Variants in PPP1R12A observed in about 807,000 individuals in gnomAD.
The protein encoded by PPP1R12A is protein phosphatase 1 regulatory subunit 12A.
PPP1R12A carries 19 observed loss-of-function variants against 139.6 expected under a neutral mutation model. The observed-to-expected ratio is 0.14, with a 90% CI of 0.09 to 0.20. The LOEUF is 0.20. Among genes scored for constraint, PPP1R12A ranks in the 10% least tolerant of loss-of-function variants. The probability of loss-of-function intolerance (pLI) is 1.00; values close to 1 mark genes in which losing one functional copy is unlikely to be tolerated. For synonymous variants in PPP1R12A, 427 were observed against 420.6 expected, an observed-to-expected ratio of 1.02 and a Z score of -0.19; for missense variants, 925 against 1,211.5, an observed-to-expected ratio of 0.76 and a Z score of 3.51.
At position 79,817,560 on chromosome 12, in the gene PPP1R12A, T is replaced by G. The variant is rs751056792; in HGVS notation, c.1115-42A>C. ...ATTAAGAGTCAAGATTCCATATATA[T>G]TTGGTCTCAATGGCTGGGAAAAAAT... On this transcript the variant is annotated intron_variant, in intron 8 of 24. Transcript: ENST00000450142. 5 of 1,522,934 alleles carry G rather than the reference T, an allele frequency of 3.3e-6. No individual in the cohort carries two copies. In the East Asian group the frequency reaches 1.2e-4, roughly 37 times the overall value. 94.3% of individuals were successfully genotyped at this position (1,522,934 alleles called of 1,614,324 possible).
At chr12:79,919,261 C>T (rs913691123) in intron 1 of PPP1R12A, among the ~76,000 whole-genome samples, 3 of 151,442 alleles carry the variant, frequency 2.0e-5, no homozygotes, top group African/African-American at 7.3e-5. Flanking sequence ...CAACTTTATC[C>T]AGAAAGTCTT....
chr12:79,881,470 G>A (rs906831066), intron 1 of PPP1R12A, among the ~76,000 whole-genome samples: 1 of 152,202 alleles, frequency 6.6e-6, no homozygotes, highest in Non-Finnish European at 1.5e-5. Flanking sequence ...AGAGAGTAAG[G>A]CCCCAGCTCT....
chr12:79,902,026 G>C (rs898824066), intron 1 of PPP1R12A, among the ~76,000 whole-genome samples: 1 of 152,176 alleles, frequency 6.6e-6, no homozygotes, highest in Non-Finnish European at 1.5e-5. Flanking sequence ...CTGAAGGGAA[G>C]TGTAGCTAGA....
At chr12:79,912,462 C>T (rs949439142) in intron 1 of PPP1R12A, among the ~76,000 whole-genome samples, 16 of 152,010 alleles carry the variant, frequency 1.1e-4, no homozygotes, top group South Asian at 8.3e-4. Context: ...AAGGCCAAGG[C>T]GGGAGGATCG....
At chr12:79,872,759 G>A (rs1488071551) in intron 2 of PPP1R12A, 49 bp downstream of exon 2, 1 of 1,569,072 alleles carries the variant, frequency 6.4e-7, no homozygotes, top group African/African-American at 1.4e-5. Flanking sequence ...TAAACATTCA[G>A]GTCTGTCAAA....
intron 2 of PPP1R12A, among the ~76,000 whole-genome samples, chr12:79,861,115 T>C (rs1469581040): frequency 6.6e-6 from 1 of 152,056 alleles, no homozygotes; most frequent in Admixed American, 6.5e-5. Context: ...CTTGGAGAAA[T>C]GAGGACTCCA....
intron 2 of PPP1R12A, among the ~76,000 whole-genome samples, chr12:79,847,874 T>C (rs1879587583): frequency 6.6e-6 from 1 of 152,152 alleles, no homozygotes; most frequent in African/African-American, 2.4e-5. Flanking sequence ...AGGAAGTATA[T>C]ACAGCCAGAT....
chr12:79,781,156 G>A (rs1000309430), intron 23 of PPP1R12A, among the ~76,000 whole-genome samples: 3 of 151,934 alleles, frequency 2.0e-5, no homozygotes, highest in Non-Finnish European at 4.4e-5. Flanking sequence ...CAACTGATGA[G>A]GCTAAACTTG....
At chr12:79,791,138 T>G (rs754419583) in intron 19 of PPP1R12A, among the ~76,000 whole-genome samples, 38 of 152,206 alleles carry the variant, frequency 2.5e-4, no homozygotes, top group Non-Finnish European at 4.9e-4. Flanking sequence ...AGAATAAATT[T>G]CAATTTTCAA....
At chr12:79,794,741 GA>G (rs1490229173) in intron 18 of PPP1R12A, among the ~76,000 whole-genome samples, 3 of 139,248 alleles carry the variant, frequency 2.2e-5, no homozygotes, top group African/African-American at 7.3e-5. Flanking sequence ...GAAGACAGAT[GA>G]TTCCATGTTC....
At chr12:79,831,858 T>C (rs958085733) in intron 4 of PPP1R12A, among the ~76,000 whole-genome samples, 2 of 152,338 alleles carry the variant, frequency 1.3e-5, no homozygotes. Flanking sequence ...TAATATTTTA[T>C]AGTGTGCTAA....
intron 1 of PPP1R12A, among the ~76,000 whole-genome samples, chr12:79,898,302 A>G (rs1885315180): frequency 6.6e-6 from 1 of 152,118 alleles, no homozygotes; most frequent in Non-Finnish European, 1.5e-5. Flanking sequence ...TACAAAAAGA[A>G]AAAATTAGCC....
chr12:79,879,294 G>A (rs772333865), intron 1 of PPP1R12A, among the ~76,000 whole-genome samples: 2 of 152,096 alleles, frequency 1.3e-5, no homozygotes, highest in African/African-American at 4.8e-5. Flanking sequence ...TTGAACCTGG[G>A]AGGCGGAGGT....
chr12:79,913,086 G>C (rs1038552531), intron 1 of PPP1R12A, among the ~76,000 whole-genome samples: 2 of 152,088 alleles, frequency 1.3e-5, no homozygotes, highest in Middle Eastern at 3.2e-3. Flanking sequence ...CTCTTAATTT[G>C]CATTTCTCTG....
At position 79,903,400 on chromosome 12, in the gene PPP1R12A, G is replaced by A. The variant is rs1443866548; in HGVS notation, c.238-30462C>T. On this transcript the variant is annotated intron_variant, in intron 1 of 24. Transcript: ENST00000450142. Reference sequence around the variant, plus strand: ...CGGGAAGTAGATGTTGCAGTGAGCTGAGATCACAGCACTGCACTCCAGCCT... The same window carrying A: ...CGGGAAGTAGATGTTGCAGTGAGCTAAGATCACAGCACTGCACTCCAGCCT... 2.0e-5 allele frequency among the ~76,000 whole-genome samples: 3 copies of A among 150,790 alleles called. No homozygotes were observed. The East Asian group carries it at 5.9e-4, about 30-fold the overall frequency.
intron 8 of PPP1R12A, among the ~76,000 whole-genome samples, chr12:79,819,739 C>T (rs1447120276): frequency 6.6e-6 from 1 of 151,978 alleles, no homozygotes; most frequent in Non-Finnish European, 1.5e-5. Flanking sequence ...GACAGGAGTT[C>T]AAGACTAGCC....
chr12:79,835,459 A>C (rs1877960018), intron 3 of PPP1R12A, among the ~76,000 whole-genome samples: 1 of 151,932 alleles, frequency 6.6e-6, no homozygotes, highest in Non-Finnish European at 1.5e-5. Context: ...AAGCCTGACT[A>C]ATACACCATC....
intron 2 of PPP1R12A, among the ~76,000 whole-genome samples, chr12:79,867,623 T>A (rs560070844): frequency 2.0e-5 from 3 of 152,270 alleles, no homozygotes; most frequent in East Asian, 3.9e-4. Context: ...AAGAATATAT[T>A]CTGTCTCCCC....
intron 15 of PPP1R12A, among the ~76,000 whole-genome samples, chr12:79,797,951 A>C (rs1872675977): frequency 6.6e-6 from 1 of 152,180 alleles, no homozygotes; most frequent in South Asian, 2.1e-4. Flanking sequence ...GAAAGCAGAA[A>C]GACACAAAAG....
Sources: allele counts gnomAD v4.1 joint callset (sites outside exome capture counted in the v4.1 genomes callset), GRCh38; gene constraint gnomAD v4.1.1; transcripts MANE v1.5; gene names NCBI Gene and HGNC (gene_info 2026-07-23, HGNC 2026-07-21).